ANK2: variants seen among roughly 807,000 people sequenced by gnomAD.
ANK2 encodes the protein ankyrin-2.
Under a neutral mutation model 360.5 loss-of-function variants are expected in ANK2, and 83 were observed. The ratio of observed to expected loss-of-function variants is 0.23; its 90% CI spans 0.19 to 0.28. ANK2 has a LOEUF of 0.28. Among genes scored for constraint, ANK2 ranks in the 10% least tolerant of loss-of-function variants. The pLI is 1.00. For synonymous variants in ANK2, 1,740 were observed against 1,759.5 expected (o/e 0.99, Z 0.28); for missense variants, 4,201 against 4,795.7 (o/e 0.88, Z 3.66).
intron 14 of ANK2, among the ~76,000 whole-genome samples, chr4:113,270,722 G>C (rs1405268869): frequency 1.3e-5 from 2 of 152,064 alleles, no homozygotes; most frequent in Non-Finnish European, 2.9e-5. Flanking sequence ...CAAATTACCT[G>C]GGCACCCTGC....
intron 1 of ANK2, among the ~76,000 whole-genome samples, chr4:112,889,564 CT>C (rs376874100): frequency 0.013 from 1,955 of 145,782 alleles, 28 homozygotes; most frequent in African/African-American, 0.036. Context: ...TTTCCTTGTT[CT>C]TTTTTTTTTG....
chr4:113,141,481 T>A (rs2096634729), intron 1 of ANK2: 1 of 152,170 alleles, frequency 6.6e-6, no homozygotes, highest in African/African-American at 2.4e-5. Context: ...CTGGAAGGGA[T>A]CCAACAACCA....
At chr4:112,981,569 G>C (rs1337621631) in intron 2 of ANK2, among the ~76,000 whole-genome samples, 1 of 152,186 alleles carries the variant, frequency 6.6e-6, no homozygotes, top group African/African-American at 2.4e-5. Flanking sequence ...CAGGTTGAGA[G>C]GACGAGTAGG....
At chr4:113,352,399 T>A (rs2095469514) in intron 37 of ANK2, among the ~76,000 whole-genome samples, 1 of 152,196 alleles carries the variant, frequency 6.6e-6, no homozygotes, top group African/African-American at 2.4e-5. Flanking sequence ...CCAGACTGTT[T>A]GTTTCATTGT....
intron 18 of ANK2, among the ~76,000 whole-genome samples, chr4:113,283,264 C>T (rs190260199): frequency 7.9e-5 from 12 of 152,294 alleles, no homozygotes; most frequent in African/African-American, 2.9e-4. Context: ...AGAAAGAATG[C>T]TTCCATCTGG....
chr4:113,019,435 T>C (rs543966143), intron 2 of ANK2, among the ~76,000 whole-genome samples: 49 of 152,294 alleles, frequency 3.2e-4, no homozygotes, highest in African/African-American at 1.1e-3. Context: ...TGGACAGAAA[T>C]AAATCAGGTA....
chr4:113,077,851 C>G (rs940050985), intron 1 of ANK2, among the ~76,000 whole-genome samples: 24 of 152,182 alleles, frequency 1.6e-4, no homozygotes, highest in African/African-American at 5.6e-4. Flanking sequence ...GCAGGCCTGC[C>G]CCAGTATCTT....
At chr4:113,283,320 C>T (rs1436743242) in intron 18 of ANK2, among the ~76,000 whole-genome samples, 3 of 152,148 alleles carry the variant, frequency 2.0e-5, no homozygotes, top group African/African-American at 7.2e-5. Context: ...CCGATGTTCA[C>T]CACCCAAGGC....
chr4:112,893,178 G>A (rs1014052655), intron 1 of ANK2, among the ~76,000 whole-genome samples: 2 of 152,046 alleles, frequency 1.3e-5, no homozygotes, highest in African/African-American at 2.4e-5. Flanking sequence ...ATATGATAAA[G>A]CATATAAAGT....
chr4:113,303,867 G>T (rs1360736138), intron 23 of ANK2, among the ~76,000 whole-genome samples: 1 of 152,142 alleles, frequency 6.6e-6, no homozygotes, highest in Non-Finnish European at 1.5e-5. Flanking sequence ...AATACTCATT[G>T]CTTTTATACA....
chr4:112,962,977 A>G (rs1425109053), intron 2 of ANK2, among the ~76,000 whole-genome samples: 1 of 152,176 alleles, frequency 6.6e-6, no homozygotes, highest in Non-Finnish European at 1.5e-5. Flanking sequence ...CAGCTAATAC[A>G]TGAATATTTA....
At chr4:112,714,321 C>G in the ANK2 span, among the ~76,000 whole-genome samples, 1 of 151,926 alleles carries the variant, frequency 6.6e-6, no homozygotes, top group Non-Finnish European at 1.5e-5. Context: ...TAGCTGGGAC[C>G]AGAGGCACAC....
intron 15 of ANK2, among the ~76,000 whole-genome samples, chr4:113,275,213 C>G (rs1408915675): frequency 2.0e-5 from 3 of 152,206 alleles, no homozygotes; most frequent in African/African-American, 4.8e-5. Flanking sequence ...TGGAAAATCA[C>G]ACTTCTTTAG....
chr4:113,095,744 T>G (rs2090758995), intron 1 of ANK2, among the ~76,000 whole-genome samples: 1 of 152,208 alleles, frequency 6.6e-6, no homozygotes, highest in Non-Finnish European at 1.5e-5. Context: ...GAGAACTAGT[T>G]TCTTGTATAA....
At chr4:113,277,149 C>G (rs1271261557) in intron 15 of ANK2, among the ~76,000 whole-genome samples, 3 of 152,204 alleles carry the variant, frequency 2.0e-5, no homozygotes, top group African/African-American at 2.4e-5. Flanking sequence ...AAAAAAAGCT[C>G]TAAAGCTTCA....
chr4:113,293,460 G>A lies in ANK2; in HGVS notation c.2397G>A (p.Ala799=). Residue 799 remains alanine, a synonymous_variant, in exon 22 of 46, where the codon GCG becomes GCA. Transcript: ENST00000357077. Reference sequence around the variant, plus strand: ...TTCAGAATGGCAACACTGCCTTGGCGATTGCTAAGCGTCTGGGCTACATCT... The same window carrying A: ...TTCAGAATGGCAACACTGCCTTGGCAATTGCTAAGCGTCTGGGCTACATCT... The part of the protein sequence containing the change: ...ATTANGNTAL[A]IAKRLGYISV... The A allele has an allele frequency of 1.2e-6, 2 of 1,613,666 alleles. No individual in the cohort carries two copies. The highest frequency in any genetic ancestry group is 1.7e-6 in the Non-Finnish European group (2 of 1,179,986).
chr4:113,236,305 T>A (rs1325813070), intron 5 of ANK2, among the ~76,000 whole-genome samples: 1 of 152,184 alleles, frequency 6.6e-6, no homozygotes, highest in African/African-American at 2.4e-5. Flanking sequence ...TCCCATGCTG[T>A]TTTTTAAGCT....
chr4:113,295,720 G>A (rs2070956639), intron 22 of ANK2, among the ~76,000 whole-genome samples: 1 of 152,070 alleles, frequency 6.6e-6, no homozygotes, highest in African/African-American at 2.4e-5. Flanking sequence ...TTTCAGTTAG[G>A]ACACTAAGAA....
At chr4:113,221,497 T>C (rs2099151003) in intron 4 of ANK2, among the ~76,000 whole-genome samples, 1 of 151,944 alleles carries the variant, frequency 6.6e-6, no homozygotes, top group South Asian at 2.1e-4. Flanking sequence ...CTGTCTCTAC[T>C]GAAAATACAA....
Sources: gnomAD v4.1 joint callset for allele counts (sites outside exome capture counted in the v4.1 genomes callset) on GRCh38, gnomAD v4.1.1 for gene constraint, MANE v1.5 for transcripts, NCBI Gene and HGNC (gene_info 2026-07-23, HGNC 2026-07-21) for gene names.